The following UNC5C variants were observed in gnomAD, a reference collection of about 807,000 sequenced individuals.
UNC5C encodes the protein unc-5 netrin receptor C, also known as netrin receptor UNC5C.
Under a neutral mutation model 99.8 loss-of-function variants are expected in UNC5C, and 47 were observed. That is an observed-to-expected ratio of 0.47 (90% CI 0.37 to 0.60). The LOEUF (loss-of-function observed/expected upper bound fraction) is 0.60, where lower values mean the gene tolerates loss of function less well. Among genes scored for constraint, UNC5C ranks in the 20% least tolerant of loss-of-function variants. The pLI, the probability that UNC5C is intolerant of heterozygous loss-of-function variation, is 0.00. For synonymous variants in UNC5C, 487 were observed against 452.2 expected (o/e 1.08, Z -0.98); for missense variants, 1,062 against 1,165.9 (o/e 0.91, Z 1.30).
At chr4:95,487,972 G>A (rs2149480349) in intron 1 of UNC5C, among the ~76,000 whole-genome samples, 2 of 151,852 alleles carry the variant, frequency 1.3e-5, no homozygotes, top group Non-Finnish European at 2.9e-5. Context: ...GAGAATTTTA[G>A]TAAATCCCAT....
intron 1 of UNC5C, among the ~76,000 whole-genome samples, chr4:95,336,425 T>C (rs1177178197): frequency 1.3e-5 from 2 of 151,876 alleles, no homozygotes; most frequent in Non-Finnish European, 2.9e-5. Context: ...TACAAATACG[T>C]AATTGAAAAC....
intron 3 of UNC5C, among the ~76,000 whole-genome samples, chr4:95,299,178 C>A (rs957173909): frequency 6.6e-6 from 1 of 152,018 alleles, no homozygotes; most frequent in Non-Finnish European, 1.5e-5. Context: ...GGCCCCAACC[C>A]AATCTGACTG....
At chr4:95,265,328 T>G (rs1740403609) in intron 4 of UNC5C, among the ~76,000 whole-genome samples, 2 of 152,326 alleles carry the variant, frequency 1.3e-5, no homozygotes, top group Middle Eastern at 3.4e-3. Context: ...ATGTGATCGA[T>G]TCACACTGCA....
At chr4:95,413,894 C>T (rs987482034) in intron 1 of UNC5C, among the ~76,000 whole-genome samples, 1 of 152,160 alleles carries the variant, frequency 6.6e-6, no homozygotes, top group African/African-American at 2.4e-5. Context: ...TTGTCCTTTT[C>T]TATGCAAGAG....
intron 4 of UNC5C, among the ~76,000 whole-genome samples, chr4:95,252,003 G>C (rs1236689916): frequency 6.6e-6 from 1 of 152,192 alleles, no homozygotes. Flanking sequence ...ACTCAGGGTA[G>C]TGAGAAAAAG....
chr4:95,310,534 T>C (rs990594986), intron 2 of UNC5C, among the ~76,000 whole-genome samples: 2 of 152,174 alleles, frequency 1.3e-5, no homozygotes, highest in African/African-American at 2.4e-5. Flanking sequence ...CAAAACATCA[T>C]GTTATTCACC....
chr4:95,426,253 T>C (rs1176310613), intron 1 of UNC5C, among the ~76,000 whole-genome samples: 1 of 152,256 alleles, frequency 6.6e-6, no homozygotes, highest in Non-Finnish European at 1.5e-5. Context: ...TTGAGGTTAC[T>C]ATTGTAATTG....
At position 95,202,863 on chromosome 4, in the gene UNC5C, G is replaced by A. The variant is rs368710597; in HGVS notation, c.2004C>T (p.Ala668=). Residue 668 remains alanine, a synonymous_variant, in exon 12 of 16, where the codon GCC becomes GCT. Coordinates refer to ENST00000453304, the MANE Select transcript of UNC5C (RefSeq NM_003728.4). ...HILTENLSTY[A]LVGHSTTKAA... is the part of the protein sequence containing the mutation. The stretch of plus-strand genomic sequence containing the variant: ...CTTTGGTGGTGGAATGTCCTACCAG[G>A]GCGTAGGTGCTGAGGTTCTCTGTGA... 2.5e-6 allele frequency: 4 copies of A among 1,614,098 alleles called. No homozygotes were observed. The highest frequency in any genetic ancestry group is 3.4e-6 in the Non-Finnish European group (4 of 1,180,052).
intron 7 of UNC5C, among the ~76,000 whole-genome samples, chr4:95,223,407 T>C (rs960650472): frequency 6.6e-6 from 1 of 152,148 alleles, no homozygotes; most frequent in Non-Finnish European, 1.5e-5. Context: ...AAATGAAAGG[T>C]CTATAAAGCT....
chr4:95,311,677 A>G (rs1274649383), intron 2 of UNC5C, among the ~76,000 whole-genome samples: 1 of 152,202 alleles, frequency 6.6e-6, no homozygotes, highest in Admixed American at 6.6e-5. Flanking sequence ...CATTCATTCA[A>G]TAGATATTTC....
intron 12 of UNC5C, among the ~76,000 whole-genome samples, chr4:95,193,328 T>C (rs1017322498): frequency 6.6e-6 from 1 of 152,140 alleles, no homozygotes; most frequent in Non-Finnish European, 1.5e-5. Context: ...TCTGGCTGTT[T>C]TTTGCTTTGG....
intron 11 of UNC5C, among the ~76,000 whole-genome samples, chr4:95,204,857 T>C (rs1737816411): frequency 6.6e-6 from 1 of 152,224 alleles, no homozygotes; most frequent in Non-Finnish European, 1.5e-5. Flanking sequence ...TATTATTTAT[T>C]AGGCCTTGCA....
chr4:95,481,620 T>C (rs1721158679), intron 1 of UNC5C, among the ~76,000 whole-genome samples: 1 of 152,104 alleles, frequency 6.6e-6, no homozygotes, highest in African/African-American at 2.4e-5. Context: ...TCTACAAGGC[T>C]ACAGTAACCA....
chr4:95,328,825 A>G (rs926475286), intron 2 of UNC5C, among the ~76,000 whole-genome samples: 1 of 152,154 alleles, frequency 6.6e-6, no homozygotes, highest in African/African-American at 2.4e-5. Context: ...CAGAGACACA[A>G]CCAAAAAAGA....
intron 1 of UNC5C, among the ~76,000 whole-genome samples, chr4:95,511,742 G>A (rs1470937490): frequency 6.6e-6 from 1 of 152,064 alleles, no homozygotes; most frequent in Non-Finnish European, 1.5e-5. Flanking sequence ...TCCCTTGAAG[G>A]GTTTTCTCGT....
chr4:95,269,871 C>T (rs919009206), intron 4 of UNC5C, among the ~76,000 whole-genome samples: 32 of 152,180 alleles, frequency 2.1e-4, no homozygotes, highest in African/African-American at 7.7e-4. Flanking sequence ...CACCACCACG[C>T]CCGGCTAATT....
intron 1 of UNC5C, among the ~76,000 whole-genome samples, chr4:95,414,974 T>C (rs1415852915): frequency 6.6e-6 from 1 of 152,190 alleles, no homozygotes; most frequent in Non-Finnish European, 1.5e-5. Flanking sequence ...TTCAGTACAA[T>C]AATATTTACT....
At chr4:95,454,772 C>G (rs750612339) in intron 1 of UNC5C, among the ~76,000 whole-genome samples, 2 of 152,012 alleles carry the variant, frequency 1.3e-5, no homozygotes, top group Non-Finnish European at 2.9e-5. Flanking sequence ...CTTTATGACT[C>G]AATGATTTTC....
intron 1 of UNC5C, among the ~76,000 whole-genome samples, chr4:95,387,329 G>C (rs987342311): frequency 6.6e-6 from 1 of 152,040 alleles, no homozygotes; most frequent in Admixed American, 6.6e-5. Context: ...TGTAGAGATG[G>C]GGGCCTCACT....
Sources: allele counts gnomAD v4.1 joint callset (sites outside exome capture counted in the v4.1 genomes callset), GRCh38; gene constraint gnomAD v4.1.1; transcripts MANE v1.5; gene names NCBI Gene and HGNC (gene_info 2026-07-23, HGNC 2026-07-21).